Variants in TASOR2 observed in about 807,000 individuals in gnomAD.
TASOR2 encodes the protein protein TASOR 2.
A neutral mutation model predicts 199.5 loss-of-function variants in TASOR2; 84 were observed. The observed-to-expected ratio is 0.42, with a 90% CI of 0.35 to 0.50. TASOR2 has a LOEUF of 0.50. TASOR2 is among the 20% of genes least tolerant of loss of function. The pLI is 0.02. For synonymous variants in TASOR2, 1,103 were observed against 1,046.6 expected (o/e 1.05, Z -1.04); for missense variants, 2,796 against 2,835.9 (o/e 0.99, Z 0.32).
At chr10:5,712,411 T>C in intron 1 of TASOR2, 1 of 1,231,656 alleles carries the variant, frequency 8.1e-7, no homozygotes, top group South Asian at 4.1e-5. Flanking sequence ...GACAGTGTCC[T>C]TGAGTTCAGA....
chr10:5,761,361 T>A, exon 19 of TASOR2: 2 of 1,614,024 alleles, frequency 1.2e-6, no homozygotes, highest in Non-Finnish European at 1.7e-6. Flanking sequence ...ATTGAATTGC[T>A]TCATTATCAC....
chr10:5,753,307 C>T (rs1056018075), intron 15 of TASOR2, among the ~76,000 whole-genome samples: 6 of 152,140 alleles, frequency 3.9e-5, no homozygotes, highest in African/African-American at 1.4e-4. Flanking sequence ...GCTCTTTAGC[C>T]TAATTGTATT....
intron 13 of TASOR2, among the ~76,000 whole-genome samples, chr10:5,741,563 A>C (rs111887331): frequency 6.6e-6 from 1 of 152,108 alleles, no homozygotes; most frequent in Non-Finnish European, 1.5e-5. Context: ...AATGTTTTCT[A>C]TTTCCCCTTA....
exon 17 of TASOR2, chr10:5,757,535 A>C (rs777143412): frequency 6.2e-7 from 1 of 1,603,016 alleles, no homozygotes; most frequent in Admixed American, 1.8e-5. Flanking sequence ...TTCTTTGCTG[A>C]AGCTGAAGCA....
At chr10:5,756,813 CT>C (rs1839025679) in intron 16 of TASOR2, 75 bp downstream of exon 17, 7 of 1,480,978 alleles carry the variant, frequency 4.7e-6, no homozygotes, top group South Asian at 1.3e-5. Flanking sequence ...ACTCATCCCT[CT>C]TTTTTTATGT....
In TASOR2 at chr10:5,748,988, C is replaced by T. The variant is rs1837603410; in HGVS notation, c.5567C>T (p.Thr1856Ile). ...TCTTATACTTTAAGAGGTAGTTACA[C>T]CAGGAAAAAAGATGTTCCCACAGAT... Residue 1856 changes from threonine (T) to isoleucine (I), a missense_variant, in exon 15 of 21, where the codon ACC becomes ATC. Physicochemically the swap from Thr to Ile is moderately conservative, Grantham distance 89 (BLOSUM62 -1). Around this residue, in one of 3 missense-constraint regions of TASOR2, gnomAD observed 1,941 missense variants for 1,924.9 expected, o/e 1.01. Transcript: ENST00000328090. The surrounding 1 kb of genome is among the most constrained non-coding windows in gnomAD (Gnocchi z 5.1). 1.2e-6 allele frequency: 2 copies of T among 1,613,874 alleles called. No homozygotes were observed. Among genetic ancestry groups the T allele is most frequent in the Non-Finnish European group, 1.7e-6 (2 of 1,179,998 alleles).
At chr10:5,749,536 C>A in exon 15 of TASOR2, 1 of 1,614,128 alleles carries the variant, frequency 6.2e-7, no homozygotes, top group African/African-American at 1.3e-5. Context: ...CAGAAGCCCC[C>A]TTCTGGTAAC....
intron 2 of TASOR2, among the ~76,000 whole-genome samples, chr10:5,715,352 A>C (rs998322698): frequency 1.3e-5 from 2 of 152,028 alleles, no homozygotes; most frequent in Non-Finnish European, 2.9e-5. Context: ...TTTTTCACCC[A>C]AAAAAGAAAT....
At position 5,709,975 on chromosome 10, in the gene TASOR2, C is replaced by T. The variant is rs137890508; in HGVS notation, c.-287-2848C>T. 2.0e-3 allele frequency among the ~76,000 whole-genome samples: 311 copies of T among 152,100 alleles called. 2 individuals are homozygous for T. The highest frequency in any genetic ancestry group is 7.1e-3 in the African/African-American group (293 of 41,508). On this transcript the variant is annotated intron_variant, in intron 1 of 20. Coordinates refer to ENST00000328090, the Ensembl canonical transcript of TASOR2. ...TAGGCAAGCACTTTTCAAGTTTTAC[C>T]GTCTTAGATTTTTAGGTTTCTTTGT... is the stretch of plus-strand genomic sequence containing the variant.
intron 18 of TASOR2, among the ~76,000 whole-genome samples, chr10:5,760,666 TAAA>T (rs1839677980): frequency 6.6e-6 from 1 of 152,192 alleles, no homozygotes; most frequent in African/African-American, 2.4e-5. Context: ...TATGATGTCA[TAAA>T]AAATTTATAC....
chr10:5,731,117 G>C (rs1402541278), exon 11 of TASOR2: 1 of 1,613,066 alleles, frequency 6.2e-7, no homozygotes, highest in African/African-American at 1.3e-5. Context: ...TTTCCCAAAA[G>C]AACTGCTTCC....
rs774797241 is a variant in TASOR2 at position 5,750,048 on chromosome 10, T to TAA, written c.6606+22_6606+23insAA. ...CAAAGGTAAAGTGCCAGCCACGTCT[T>TAA]ACGTATTATTTTAATTGCTGATTTT... On this transcript the variant is annotated intron_variant, in intron 15 of 20. Coordinates refer to ENST00000328090, the Ensembl canonical transcript of TASOR2. The surrounding 1 kb of genome is among the most constrained non-coding windows in gnomAD (Gnocchi z 5.4). The TAA allele has an allele frequency of 1.4e-5, 21 of 1,548,700 alleles. No individual in the cohort carries two copies. The highest frequency in any genetic ancestry group is 1.8e-5 in the Non-Finnish European group (21 of 1,151,464).
chr10:5,762,625 C>T, exon 20 of TASOR2: 1 of 1,459,368 alleles, frequency 6.9e-7, no homozygotes, highest in Non-Finnish European at 9.4e-7. Context: ...AAAATAGCAG[C>T]TCCATTTAGG....
At chr10:5,733,916 C>G (rs992350591) in intron 11 of TASOR2, among the ~76,000 whole-genome samples, 1 of 152,094 alleles carries the variant, frequency 6.6e-6, no homozygotes, top group African/African-American at 2.4e-5. Flanking sequence ...GGAAGATAAT[C>G]AGACTTGAAA....
chr10:5,755,545 G>T (rs1002666957), intron 15 of TASOR2, among the ~76,000 whole-genome samples: 1 of 152,006 alleles, frequency 6.6e-6, no homozygotes, highest in Admixed American at 6.6e-5. Flanking sequence ...CTGCACTCCA[G>T]CCTGGGTGAC....
chr10:5,750,157 C>G lies in TASOR2; in HGVS notation c.6606+130C>G. On this transcript the variant is annotated intron_variant, in intron 15 of 20. Transcript: ENST00000328090. This position sits in a 1 kb window ranked among gnomAD's most constrained non-coding sequence, Gnocchi z 5.4. ...TAGTATTTAAATTTCACAGCTTAGT[C>G]TTTATCTGCATACTAAATGTTTTCC... The G allele has an allele frequency of 1.0e-6, 1 of 967,884 alleles. No individual in the cohort carries two copies. The highest frequency in any genetic ancestry group is 1.5e-6 in the Non-Finnish European group (1 of 685,908). 60.0% of individuals were successfully genotyped at this position (967,884 alleles called of 1,614,324 possible).
In TASOR2 at chr10:5,685,669, G is replaced by T. The variant is rs1336184562; in HGVS notation, c.-288+494G>T. Among the ~76,000 whole-genome samples the T allele has an allele frequency of 4.6e-5, 7 of 152,196 alleles. No individual in the cohort carries two copies. Among genetic ancestry groups the T allele is most frequent in the African/African-American group, 1.2e-4 (5 of 41,444 alleles). On this transcript the variant is annotated intron_variant, in intron 1 of 20. Transcript: ENST00000328090. The surrounding 1 kb of genome is among the most constrained non-coding windows in gnomAD (Gnocchi z 5.4). Reference sequence around the variant, plus strand: ...GTCATTTCAGCAGCAAGCGCAAGCCGCGTTGGGATAACTTGGTGCGAGCAA... The same window carrying T: ...GTCATTTCAGCAGCAAGCGCAAGCCTCGTTGGGATAACTTGGTGCGAGCAA...
chr10:5,748,522 G>C lies in TASOR2; in HGVS notation c.5101G>C (p.Ala1701Pro), dbSNP rs777339136. ...TTTGCTTAAGAATGGTGAGCCTGAA[G>C]CTGAGTTACATAAAGAAACCACAGG... The change falls in exon 15 of 21, where the codon GCT becomes CCT. Residue 1701 changes from alanine (A) to proline (P), a missense_variant. Ala to Pro is a conservative substitution (Grantham distance 27). Coordinates refer to ENST00000328090, the Ensembl canonical transcript of TASOR2. The surrounding 1 kb of genome is among the most constrained non-coding windows in gnomAD (Gnocchi z 5.1). 4.2e-5 allele frequency: 67 copies of C among 1,613,494 alleles called. No individual in the cohort carries two copies. The highest frequency in any genetic ancestry group is 5.2e-5 in the Non-Finnish European group (61 of 1,180,050).
At position 5,709,477 on chromosome 10, in the gene TASOR2, A is replaced by G. The variant is rs910636587; in HGVS notation, c.-287-3346A>G. On this transcript the variant is annotated intron_variant, in intron 1 of 20. Coordinates refer to ENST00000328090, the Ensembl canonical transcript of TASOR2. ...GCGAACATTTGTTTCTATAGTAAAT[A>G]TGCTATAAATAGAATTGTTCACTTT... The G allele has an allele frequency of 1.2e-5, 13 of 1,120,028 alleles. No homozygotes were observed. In the African/African-American group the frequency reaches 2.1e-4, roughly 18 times the overall value. The allele number at this position is 1,120,028 out of a possible 1,614,324, so 69.4% of individuals were successfully genotyped here. A position where few individuals can be genotyped will look rare whatever the true frequency, so the allele number is the denominator to read the frequency against.
Sources: gnomAD v4.1 joint callset for allele counts (sites outside exome capture counted in the v4.1 genomes callset) on GRCh38, gnomAD v4.1.1 for gene constraint, gnomAD v4.1.1 regional missense constraint, Gnocchi (gnomAD v3.1) non-coding constraint, MANE v1.5 for transcripts, NCBI Gene and HGNC (gene_info 2026-07-23, HGNC 2026-07-21) for gene names.